The following CENPX variants were observed in gnomAD, a reference collection of about 807,000 sequenced individuals.
CENPX encodes the protein centromere protein X, also known as FANCM associated histone fold protein 2.
CENPX carries 13 observed loss-of-function variants against 13.2 expected under a neutral mutation model. That is an observed-to-expected ratio of 0.98 (90% CI 0.64 to 1.56). The LOEUF (loss-of-function observed/expected upper bound fraction) is 1.56. Ranked by LOEUF, CENPX falls within the 40% of genes most tolerant of loss-of-function variation. The pLI is 0.00. For missense variants in CENPX, 138 were observed against 107.5 expected, an observed-to-expected ratio of 1.28 and a Z score of -1.26; for synonymous variants, 66 against 47.2, an observed-to-expected ratio of 1.40 and a Z score of -1.63.
Position 82,019,647 on chromosome 17 carries a change from C to G in CENPX, c.136G>C (p.Val46Leu). 1 of 1,550,322 alleles carries G rather than the reference C, an allele frequency of 6.5e-7. No homozygotes were observed. The highest frequency in any genetic ancestry group is 8.7e-7 in the Non-Finnish European group (1 of 1,146,966). Residue 46 changes from valine (V) to leucine (L), a missense_variant, in exon 3 of 5, where the codon GTT becomes CTT. By Grantham distance (32) the Val-to-Leu change is conservative. Transcript: ENST00000392359. ...QLMVELLKVF[V>L]VEAAVRGVRQ... Reference sequence around the variant, plus strand: ...GCGTGGGCCCTGGGCTCACCCACAACGAAGACCTTCAGCAACTCCACCATG... The same window carrying G: ...GCGTGGGCCCTGGGCTCACCCACAAGGAAGACCTTCAGCAACTCCACCATG...
intron 3 of CENPX, 60 bp downstream of exon 3, chr17:82,019,581 G>C (rs1054762246): frequency 1.3e-6 from 2 of 1,549,558 alleles, no homozygotes; most frequent in Admixed American, 3.9e-5. Context: ...TGGTTTTCCC[G>C]CTGGAAAAAC....
intron 1 of CENPX, among the ~76,000 whole-genome samples, chr17:82,021,706 G>A (rs1340946577): frequency 1.7e-4 from 26 of 152,218 alleles, no homozygotes; most frequent in Admixed American, 1.7e-3. Context: ...AGGTGGGCTT[G>A]ATAGAACACA....
rs541726250 is a variant in CENPX at position 82,019,684 on chromosome 17, G to A, written c.99C>T (p.Asp33=). The A allele has an allele frequency of 4.1e-5, 64 of 1,550,318 alleles. No individual in the cohort carries two copies. The East Asian group carries it at 1.1e-3, about 27-fold the overall frequency. ...FKDDKTKVSG[D]ALQLMVELLK... ...GCAACTCCACCATGAGCTGCAGCGCGTCCCCGCTCACTGCAAGGCAGGGGG... is the reference window on the plus strand; with the variant it reads ...GCAACTCCACCATGAGCTGCAGCGCATCCCCGCTCACTGCAAGGCAGGGGG... Residue 33 remains aspartate (D), a synonymous_variant, in exon 3 of 5, where the codon GAC becomes GAT. Coordinates refer to ENST00000392359, the MANE Select transcript of CENPX (RefSeq NM_001271006.2).
rs772087035 is a variant in CENPX, at chr17:82,022,831, G to A, written c.31C>T (p.Arg11Trp). MEGAGAGSGF[R>W]KELVSRLLHL... ...CCCTGCCCTCCGGCCCTCACCTTCC[G>A]GAAGCCGGATCCAGCTCCTGCTCCC... Residue 11 changes from arginine (R) to tryptophan (W), a missense_variant, in exon 1 of 5, where the codon CGG becomes TGG. Coordinates refer to ENST00000392359, the MANE Select transcript of CENPX (RefSeq NM_001271006.2). 4 of 1,591,310 alleles carry A rather than the reference G, an allele frequency of 2.5e-6. No homozygotes were observed. In the East Asian group the frequency reaches 6.8e-5, roughly 27 times the overall value.
At chr17:82,020,118 C>T (rs989728441) in intron 1 of CENPX, among the ~76,000 whole-genome samples, 2 of 152,210 alleles carry the variant, frequency 1.3e-5, no homozygotes, top group Admixed American at 6.5e-5. Flanking sequence ...TAGGGGGCGC[C>T]AGGGCCCTGC....
chr17:82,019,193 C>T lies in CENPX; in HGVS notation c.*12G>A, dbSNP rs765941273. The T allele has an allele frequency of 1.3e-5, 21 of 1,559,820 alleles. No homozygotes were observed. Among genetic ancestry groups the T allele is most frequent in the Admixed American group, 9.2e-5 (5 of 54,100 alleles). ...GCTCCTCTGGGGGTGGCCTCAGCCA[C>T]GGCTGAGATCCCTAGAAGTCCAGGA... is the stretch of plus-strand genomic sequence containing the variant. On this transcript the variant is annotated 3_prime_UTR_variant, in exon 5 of 5. Transcript: ENST00000392359.
At position 82,018,896 on chromosome 17, in the gene CENPX, G is replaced by C. The variant is rs911517773; in HGVS notation, c.*309C>G. 2 of 386,352 alleles carry C rather than the reference G, an allele frequency of 5.2e-6. No homozygotes were observed. Among genetic ancestry groups the C allele is most frequent in the East Asian group, 3.7e-5 (1 of 27,084 alleles). 23.9% of individuals were successfully genotyped at this position (386,352 alleles called of 1,614,324 possible). On this transcript the variant is annotated 3_prime_UTR_variant, in exon 5 of 5. Coordinates refer to ENST00000392359, the MANE Select transcript of CENPX (RefSeq NM_001271006.2). ...AAACACACAGGCTACCTGCTGGCCA[G>C]GCCTTTCCCAGCACCTGCCTGTAGG...
rs749177989 is a variant in CENPX, at chr17:82,022,816, C to A, written c.36+10G>T. 2 of 1,584,334 alleles carry A rather than the reference C, an allele frequency of 1.3e-6. No individual in the cohort carries two copies. ...CCGCGCCTGCCTAGCCCCTGCCCTC[C>A]GGCCCTCACCTTCCGGAAGCCGGAT... On this transcript the variant is annotated intron_variant, in intron 1 of 4. Transcript: ENST00000392359.
rs550422536 is a variant in CENPX at position 82,022,834 on chromosome 17, A to C, written c.28T>G (p.Phe10Val). The stretch of plus-strand genomic sequence containing the variant: ...TGCCCTCCGGCCCTCACCTTCCGGA[A>C]GCCGGATCCAGCTCCTGCTCCCTCC... MEGAGAGSG[F>V]RKELVSRLLH... Residue 10 changes from phenylalanine (F) to valine (V), a missense_variant, in exon 1 of 5, where the codon TTC (phenylalanine) becomes GTC (valine). Physicochemically the swap from Phe to Val is conservative, Grantham distance 50. Transcript: ENST00000392359. 6.9e-5 allele frequency: 110 copies of C among 1,592,132 alleles called. No individual in the cohort carries two copies. In the East Asian group the frequency reaches 2.3e-3, roughly 34 times the overall value.
intron 1 of CENPX, among the ~76,000 whole-genome samples, chr17:82,022,182 A>G (rs1418799909): frequency 6.6e-6 from 1 of 152,226 alleles, no homozygotes; most frequent in Non-Finnish European, 1.5e-5. Context: ...GGAACAGGGA[A>G]GAGCAGGGCA....
At position 82,019,396 on chromosome 17, in the gene CENPX, G is replaced by C. The variant is rs775063103; in HGVS notation, c.143-15C>G. ...GACTGCTGCTTCTGCGGTGAGAAAC[G>C]CGAGAGGTGGGGGATGCTGGGGGGA... is the stretch of plus-strand genomic sequence containing the variant. On this transcript the variant is annotated splice_polypyrimidine_tract_variant and intron_variant, in intron 3 of 4. Transcript: ENST00000392359. 1 of 1,539,438 alleles carries C rather than the reference G, an allele frequency of 6.5e-7. No homozygotes were observed. The highest frequency in any genetic ancestry group is 2.0e-5 in the Admixed American group (1 of 50,978).
chr17:82,022,679 G>A (rs1196023726), intron 1 of CENPX, 147 bp downstream of exon 1: 3 of 950,226 alleles, frequency 3.2e-6, no homozygotes, highest in Middle Eastern at 3.3e-4. Context: ...GGGGCGCGCG[G>A]CCCGGCCGGA....
chr17:82,022,831 G>C lies in CENPX; in HGVS notation c.31C>G (p.Arg11Gly), dbSNP rs772087035. 17 of 1,591,312 alleles carry C rather than the reference G, an allele frequency of 1.1e-5. No homozygotes were observed. The highest frequency in any genetic ancestry group is 1.4e-5 in the Non-Finnish European group (16 of 1,171,558). MEGAGAGSGF[R>G]KELVSRLLHL... ...CCCTGCCCTCCGGCCCTCACCTTCC[G>C]GAAGCCGGATCCAGCTCCTGCTCCC... The change falls in exon 1 of 5, where the codon CGG (arginine) becomes GGG (glycine). Residue 11 changes from arginine (R) to glycine (G), a missense_variant. Transcript: ENST00000392359.
chr17:82,018,885 C>T lies in CENPX; in HGVS notation c.*320G>A, dbSNP rs922466172. The T allele has an allele frequency of 5.3e-6, 2 of 377,772 alleles. No individual in the cohort carries two copies. The highest frequency in any genetic ancestry group is 9.4e-6 in the Non-Finnish European group (2 of 212,838). The allele number at this position is 377,772 out of a possible 1,614,324, so 23.4% of individuals were successfully genotyped here. A position where few individuals can be genotyped will look rare whatever the true frequency, so the allele number is the denominator to read the frequency against. On this transcript the variant is annotated 3_prime_UTR_variant, in exon 5 of 5. Coordinates refer to ENST00000392359, the MANE Select transcript of CENPX (RefSeq NM_001271006.2). ...TGCTGTTTGTCAAACACACAGGCTACCTGCTGGCCAGGCCTTTCCCAGCAC... is the reference window on the plus strand; with the variant it reads ...TGCTGTTTGTCAAACACACAGGCTATCTGCTGGCCAGGCCTTTCCCAGCAC...
Position 82,019,646 on chromosome 17 carries a change from A to G in CENPX, c.137T>C (p.Val46Ala), listed in dbSNP as rs773839936. 5.1e-5 allele frequency: 79 copies of G among 1,550,148 alleles called. No individual in the cohort carries two copies. The highest frequency in any genetic ancestry group is 6.6e-5 in the Non-Finnish European group (76 of 1,146,950). The change falls in exon 3 of 5, where the codon GTT (valine) becomes GCT (alanine). Residue 46 changes from valine (V) to alanine (A), a missense_variant. By Grantham distance (64) the Val-to-Ala change is moderately conservative. Transcript: ENST00000392359. ...QLMVELLKVF[V>A]VEAAVRGVRQ... ...AGCGTGGGCCCTGGGCTCACCCACA[A>G]CGAAGACCTTCAGCAACTCCACCAT...
At position 82,019,190 on chromosome 17, in the gene CENPX, C is replaced by T. The variant is rs1176411614; in HGVS notation, c.*15G>A. 1.3e-6 allele frequency: 2 copies of T among 1,556,602 alleles called. No homozygotes were observed. The highest frequency in any genetic ancestry group is 1.7e-6 in the Non-Finnish European group (2 of 1,146,902). ...GGGGCTCCTCTGGGGGTGGCCTCAG[C>T]CACGGCTGAGATCCCTAGAAGTCCA... On this transcript the variant is annotated 3_prime_UTR_variant, in exon 5 of 5. Coordinates refer to ENST00000392359, the MANE Select transcript of CENPX (RefSeq NM_001271006.2).
In CENPX at chr17:82,019,868, G is replaced by C. The variant is rs758657803; in HGVS notation, c.78C>G (p.Asp26Glu). Reference sequence around the variant, plus strand: ...CACCCCCACCCGCACCTTTGGTCTTGTCATCCTTGAAGTGCAGGTGCAGCA... The same window carrying C: ...CACCCCCACCCGCACCTTTGGTCTTCTCATCCTTGAAGTGCAGGTGCAGCA... ...SRLLHLHFKD[D>E]KTKVSGDALQ... Residue 26 changes from aspartate to glutamate, a missense_variant, in exon 2 of 5, where the codon GAC (aspartate) becomes GAG (glutamate). By Grantham distance (45) the Asp-to-Glu change is conservative. Coordinates refer to ENST00000392359, the MANE Select transcript of CENPX (RefSeq NM_001271006.2). The C allele has an allele frequency of 6.5e-7, 1 of 1,542,790 alleles. No individual in the cohort carries two copies. The highest frequency in any genetic ancestry group is 8.9e-7 in the Non-Finnish European group (1 of 1,125,074).
intron 2 of CENPX, 24 bp downstream of exon 2, chr17:82,019,834 T>TC: frequency 4.9e-5 from 59 of 1,207,682 alleles, no homozygotes; most frequent in Non-Finnish European, 6.7e-5. Flanking sequence ...GGGACCCACC[T>TC]CCCGCCCGCA....
Position 82,022,768 on chromosome 17 carries a change from C to G in CENPX, c.36+58G>C, listed in dbSNP as rs528386869. On this transcript the variant is annotated intron_variant, in intron 1 of 4. Coordinates refer to ENST00000392359, the MANE Select transcript of CENPX (RefSeq NM_001271006.2). ...CTGGCGTCTGGCCCTCACAGTGTCA[C>G]GCGTGAGGTCGGGACGGAGCGTCCG... 4,496 of 1,528,798 alleles carry G rather than the reference C, an allele frequency of 2.9e-3. 4 individuals are homozygous for G. The highest frequency in any genetic ancestry group is 3.6e-3 in the Non-Finnish European group (4,104 of 1,134,784). The allele number at this position is 1,528,798 out of a possible 1,614,324, so 94.7% of individuals were successfully genotyped here.
Sources: gnomAD v4.1 joint callset for allele counts (sites outside exome capture counted in the v4.1 genomes callset) on GRCh38, gnomAD v4.1.1 for gene constraint, MANE v1.5 for transcripts, NCBI Gene and HGNC (gene_info 2026-07-23, HGNC 2026-07-21) for gene names.